OR6C1: variants seen among roughly 807,000 people sequenced by gnomAD.
OR6C1 encodes olfactory receptor family 6 subfamily C member 1, also known as olfactory receptor 6C1.
For missense variants in OR6C1, 386 were observed against 366.1 expected (o/e 1.05, Z -0.44); for synonymous variants, 157 against 133.3 (o/e 1.18, Z -1.22).
chr12:55,315,853 A>G (rs1240750469), intron 1 of OR6C1, among the ~76,000 whole-genome samples: 2 of 151,574 alleles, frequency 1.3e-5, no homozygotes, highest in African/African-American at 4.8e-5. Context: ...ACATTGAGCT[A>G]AATAATTTTC....
chr12:55,321,665 T>C lies in OR6C1; in HGVS notation c.*127T>C, dbSNP rs1868565641. Reference sequence around the variant, plus strand: ...TCTTTTCCCTAAAAGTTTGCAAGCATATTTATTTAATATATTTCTCATTTG... The same window carrying C: ...TCTTTTCCCTAAAAGTTTGCAAGCACATTTATTTAATATATTTCTCATTTG... On this transcript the variant is annotated 3_prime_UTR_variant, in exon 2 of 2. Coordinates refer to ENST00000642104, the MANE Select transcript of OR6C1 (RefSeq NM_001005182.2). The C allele has an allele frequency of 1.9e-6, 1 of 535,806 alleles. No homozygotes were observed. Among genetic ancestry groups the C allele is most frequent in the Non-Finnish European group, 3.1e-6 (1 of 319,702 alleles). 33.2% of individuals were successfully genotyped at this position (535,806 alleles called of 1,614,324 possible).
Position 55,314,485 on chromosome 12 carries a change from A to G in OR6C1, c.-148A>G, listed in dbSNP as rs982510577. On this transcript the variant is annotated 5_prime_UTR_variant, in exon 1 of 2. It removes an upstream start codon present in the reference 5' UTR. Coordinates refer to ENST00000642104, the MANE Select transcript of OR6C1 (RefSeq NM_001005182.2). ...TGAAAATAGGAAGAAAATTTCTTCAATGAGAAAGTGAATGTTTTCAGAAAT... is the reference window on the plus strand; with the variant it reads ...TGAAAATAGGAAGAAAATTTCTTCAGTGAGAAAGTGAATGTTTTCAGAAAT... The G allele has an allele frequency of 2.6e-5, 4 of 151,646 alleles. No homozygotes were observed. Among genetic ancestry groups the G allele is most frequent in the African/African-American group, 9.7e-5 (4 of 41,390 alleles). The allele number at this position is 151,646 out of a possible 1,614,324, so 9.4% of individuals were successfully genotyped here. A position where few individuals can be genotyped will look rare whatever the true frequency, so the allele number is the denominator to read the frequency against.
chr12:55,316,358 G>T (rs996376877), intron 1 of OR6C1, among the ~76,000 whole-genome samples: 7 of 151,756 alleles, frequency 4.6e-5, no homozygotes, highest in Non-Finnish European at 7.4e-5. Context: ...AAGATGCTTT[G>T]TAACCATTTT....
intron 1 of OR6C1, among the ~76,000 whole-genome samples, chr12:55,319,487 G>A (rs1024345816): frequency 1.3e-5 from 2 of 152,170 alleles, no homozygotes; most frequent in South Asian, 4.1e-4. Context: ...GTTAGAATCT[G>A]CATAAAAAAG....
rs1301333095 is a variant in OR6C1, at chr12:55,320,756, C to T, written c.157C>T (p.Leu53=). The T allele has an allele frequency of 4.3e-6, 7 of 1,614,142 alleles. No homozygotes were observed. The highest frequency in any genetic ancestry group is 5.9e-6 in the Non-Finnish European group (7 of 1,179,994). ...LITITLLDSH[L]QTPMYFFLRN... is the part of the protein sequence containing the mutation. ...CACAATTACCCTGCTGGATTCCCAC[C>T]TGCAGACCCCCATGTATTTCTTCCT... The change falls in exon 2 of 2, where the codon CTG becomes TTG. Residue 53 remains leucine, a synonymous_variant. Transcript: ENST00000642104.
At chr12:55,318,403 G>T (rs1868451426) in intron 1 of OR6C1, among the ~76,000 whole-genome samples, 1 of 151,600 alleles carries the variant, frequency 6.6e-6, no homozygotes, top group Non-Finnish European at 1.5e-5. Context: ...TTTTCCTATT[G>T]CTTTGTTGTT....
At chr12:55,315,574 C>T (rs1028078549) in intron 1 of OR6C1, among the ~76,000 whole-genome samples, 1 of 151,598 alleles carries the variant, frequency 6.6e-6, no homozygotes, top group Admixed American at 6.6e-5. Context: ...ATTAAACCTG[C>T]CCATCATTAT....
chr12:55,319,800 A>C (rs903340307), intron 1 of OR6C1, among the ~76,000 whole-genome samples: 1 of 152,152 alleles, frequency 6.6e-6, no homozygotes, highest in African/African-American at 2.4e-5. Context: ...GACCCAACCC[A>C]ATCCATACAA....
rs1868549703 is a variant in OR6C1, at chr12:55,321,306, T to C, written c.707T>C (p.Phe236Ser). 1.9e-6 allele frequency: 3 copies of C among 1,613,436 alleles called. No individual in the cohort carries two copies. The highest frequency in any genetic ancestry group is 1.3e-5 in the African/African-American group (1 of 75,040). Residue 236 changes from phenylalanine (F) to serine (S), a missense_variant, in exon 2 of 2, where the codon TTT becomes TCT. Transcript: ENST00000642104. ...IPSTSQRTKA[F>S]STCSSHMVVV... is the part of the protein sequence containing the mutation. ...TCTACTAGTCAGAGGACAAAGGCCTTTTCCACATGTTCTTCCCACATGGTT... is the reference window on the plus strand; with the variant it reads ...TCTACTAGTCAGAGGACAAAGGCCTCTTCCACATGTTCTTCCCACATGGTT...
At position 55,322,297 on chromosome 12, in the gene OR6C1, G is replaced by A. The variant is rs892751744; in HGVS notation, c.*759G>A. The A allele has an allele frequency of 2.0e-5, 3 of 151,918 alleles. No individual in the cohort carries two copies. Among genetic ancestry groups the A allele is most frequent in the African/African-American group, 4.8e-5 (2 of 41,414 alleles). The allele number at this position is 151,918 out of a possible 1,614,324, so 9.4% of individuals were successfully genotyped here. A position where few individuals can be genotyped will look rare whatever the true frequency, so the allele number is the denominator to read the frequency against. The stretch of plus-strand genomic sequence containing the variant: ...AGCTTCTTTCTATCATTACCTAAAA[G>A]TAGTATGTAAATCTTCTTAAATTTT... On this transcript the variant is annotated 3_prime_UTR_variant, in exon 2 of 2. Coordinates refer to ENST00000642104, the MANE Select transcript of OR6C1 (RefSeq NM_001005182.2).
At chr12:55,319,126 A>G (rs1282850889) in intron 1 of OR6C1, among the ~76,000 whole-genome samples, 2 of 152,100 alleles carry the variant, frequency 1.3e-5, no homozygotes, top group East Asian at 1.9e-4. Flanking sequence ...AAAATGACAC[A>G]TAGGTAGGCT....
At chr12:55,320,275 G>A (rs1290776452) in intron 1 of OR6C1, among the ~76,000 whole-genome samples, 2 of 152,132 alleles carry the variant, frequency 1.3e-5, no homozygotes, top group East Asian at 1.9e-4. Context: ...GAAACTTGTA[G>A]GCATGTCTTT....
intron 1 of OR6C1, among the ~76,000 whole-genome samples, chr12:55,317,952 TACACACAC>T (rs61539539): frequency 6.8e-6 from 1 of 146,108 alleles, no homozygotes; most frequent in Non-Finnish European, 1.5e-5. Context: ...TGTATATATA[TACACACAC>T]ACACACACAT....
In OR6C1 at chr12:55,321,157, T is replaced by C. The variant is rs750470461; in HGVS notation, c.558T>C (p.Ala186=). The C allele has an allele frequency of 4.3e-6, 7 of 1,613,932 alleles. No individual in the cohort carries two copies. In the African/African-American group the frequency reaches 8.0e-5, roughly 18 times the overall value. The change falls in exon 2 of 2, where the codon GCT becomes GCC. Residue 186 remains alanine (A), a synonymous_variant. Transcript: ENST00000642104. ...TCDYFPLLQL[A]CSDTKFLEVM... Reference sequence around the variant, plus strand: ...ATTATTTTCCACTGCTGCAACTTGCTTGTTCAGACACAAAATTCTTAGAGG... The same window carrying C: ...ATTATTTTCCACTGCTGCAACTTGCCTGTTCAGACACAAAATTCTTAGAGG...
At chr12:55,316,842 A>G (rs1350670670) in intron 1 of OR6C1, among the ~76,000 whole-genome samples, 1 of 151,922 alleles carries the variant, frequency 6.6e-6, no homozygotes, top group Non-Finnish European at 1.5e-5. Context: ...GTCTTTGAAG[A>G]CCAGCTATGG....
Position 55,321,118 on chromosome 12 carries a change from C to A in OR6C1, c.519C>A (p.Asp173Glu). 2 of 1,613,726 alleles carry A rather than the reference C, an allele frequency of 1.2e-6. No homozygotes were observed. The highest frequency in any genetic ancestry group is 1.7e-6 in the Non-Finnish European group (2 of 1,179,758). The stretch of plus-strand genomic sequence containing the variant: ...ATTACTGTAGGTCTAATATTATTGA[C>A]CATTTTACCTGTGATTATTTTCCAC... ...KLHYCRSNIIDHFTCDYFPLL... is the reference protein window; with the variant it reads ...KLHYCRSNIIEHFTCDYFPLL... The change falls in exon 2 of 2, where the codon GAC becomes GAA. Residue 173 changes from aspartate to glutamate, a missense_variant. By Grantham distance (45) the Asp-to-Glu change is conservative. Transcript: ENST00000642104.
chr12:55,319,892 G>A (rs1489056576), intron 1 of OR6C1, among the ~76,000 whole-genome samples: 1 of 152,158 alleles, frequency 6.6e-6, no homozygotes, highest in Non-Finnish European at 1.5e-5. Context: ...TGTAATCCCA[G>A]CACTTTGGGA....
At position 55,321,517 on chromosome 12, in the gene OR6C1, T is replaced by C; in HGVS notation, c.918T>C (p.Thr306=). The change falls in exon 2 of 2, where the codon ACT becomes ACC. Residue 306 remains threonine (T), a synonymous_variant. Transcript: ENST00000642104. ...CTTTCATTAACATGGCAAGGAAGACTGTATTTTTCACAAGCACATGAAATG... is the reference window on the plus strand; with the variant it reads ...CTTTCATTAACATGGCAAGGAAGACCGTATTTTTCACAAGCACATGAAATG... ...KQAFINMARK[T]VFFTST is the part of the protein sequence containing the mutation. 6.2e-7 allele frequency: 1 copy of C among 1,610,902 alleles called. No individual in the cohort carries two copies. Among genetic ancestry groups the C allele is most frequent in the Admixed American group, 1.7e-5 (1 of 59,640 alleles).
In OR6C1 at chr12:55,320,846, A is replaced by T. The variant is rs775216290; in HGVS notation, c.247A>T (p.Ile83Phe). 1.2e-6 allele frequency: 2 copies of T among 1,613,458 alleles called. No homozygotes were observed. The highest frequency in any genetic ancestry group is 4.5e-5 in the East Asian group (2 of 44,886). The change falls in exon 2 of 2, where the codon ATT (isoleucine) becomes TTT (phenylalanine). Residue 83 changes from isoleucine to phenylalanine, a missense_variant. Transcript: ENST00000642104. ...TVSIPKFLGN[I>F]ISGDKTISFN... ...CAGTATACCCAAGTTTCTGGGTAAC[A>T]TTATTTCAGGAGATAAAACCATTTC...
Sources: allele counts gnomAD v4.1 joint callset (sites outside exome capture counted in the v4.1 genomes callset), GRCh38; gene constraint gnomAD v4.1.1; transcripts MANE v1.5; gene names NCBI Gene and HGNC (gene_info 2026-07-23, HGNC 2026-07-21).